The following CKAP2 variants were observed in gnomAD, a reference collection of about 807,000 sequenced individuals.
CKAP2 encodes cytoskeleton associated protein 2.
A neutral mutation model predicts 58.4 loss-of-function variants in CKAP2; 46 were observed. The ratio of observed to expected loss-of-function variants is 0.79; its 90% confidence interval spans 0.62 to 1.01. The LOEUF (loss-of-function observed/expected upper bound fraction) is 1.01. Among genes scored for constraint, CKAP2 ranks in the 50% least tolerant of loss-of-function variants. The pLI, the probability that CKAP2 is intolerant of heterozygous loss-of-function variation, is 0.00. For synonymous variants in CKAP2, 293 were observed against 280.9 expected (o/e 1.04, Z -0.43); for missense variants, 809 against 796.4 (o/e 1.02, Z -0.19).
intron 6 of CKAP2, 126 bp downstream of exon 6, chr13:52,465,591 A>C: frequency 1.3e-6 from 1 of 788,314 alleles, no homozygotes; most frequent in Non-Finnish European, 2.1e-6. Flanking sequence ...AAATGTTTAA[A>C]GGCTGCAAGG....
At chr13:52,468,099 C>A (rs1436487739) in intron 6 of CKAP2, among the ~76,000 whole-genome samples, 179 bp from the exon 7 acceptor site, 1 of 151,932 alleles carries the variant, frequency 6.6e-6, no homozygotes, top group Non-Finnish European at 1.5e-5. Flanking sequence ...CGTGAGCCAT[C>A]GTGCCCAGCC....
In CKAP2 at chr13:52,456,499, G is replaced by T. The variant is rs759068854; in HGVS notation, c.71-24G>T. The T allele has an allele frequency of 1.4e-5, 21 of 1,531,156 alleles. No individual in the cohort carries two copies. The Admixed American group carries it at 2.2e-4, about 16-fold the overall frequency. The allele number at this position is 1,531,156 out of a possible 1,614,324, so 94.8% of individuals were successfully genotyped here. On this transcript the variant is annotated intron_variant, in intron 1 of 8. Coordinates refer to ENST00000258607, the MANE Select transcript of CKAP2 (RefSeq NM_018204.5). ...TCGATGTTTTAACTAATATTGACTTGTAGCTCTTACCTTTGTTATCTAGAG... is the reference window on the plus strand; with the variant it reads ...TCGATGTTTTAACTAATATTGACTTTTAGCTCTTACCTTTGTTATCTAGAG...
intron 5 of CKAP2, 90 bp downstream of exon 5, chr13:52,462,657 A>C (rs1958604763): frequency 1.9e-6 from 2 of 1,047,302 alleles, no homozygotes; most frequent in Admixed American, 5.1e-5. Flanking sequence ...AGTCTTTTTG[A>C]CCAGGTGATG....
chr13:52,471,994 C>G (rs1958767167), intron 7 of CKAP2, among the ~76,000 whole-genome samples: 2 of 152,160 alleles, frequency 1.3e-5, no homozygotes, highest in Admixed American at 6.5e-5. Context: ...CTGAATTTCT[C>G]TTTCTTTTTT....
intron 8 of CKAP2, 105 bp from the exon 9 acceptor site, chr13:52,474,790 A>G (rs1450392485): frequency 1.8e-6 from 2 of 1,105,560 alleles, no homozygotes; most frequent in Non-Finnish European, 2.5e-6. Flanking sequence ...AAATGCTTTT[A>G]CCTGCTTATA....
rs764352338 is a variant in CKAP2 at position 52,462,366 on chromosome 13, T to C, written c.1104T>C (p.Ala368=). The C allele has an allele frequency of 2.5e-6, 4 of 1,613,710 alleles. No homozygotes were observed. The highest frequency in any genetic ancestry group is 2.5e-6 in the Non-Finnish European group (3 of 1,179,918). The change falls in exon 5 of 9, where the codon GCT becomes GCC. Residue 368 remains alanine (A), a synonymous_variant. Coordinates refer to ENST00000258607, the MANE Select transcript of CKAP2 (RefSeq NM_018204.5). ...TTATATCTGCTTCTAACTATAGAGCTCGTCTGAGTGAGTGGAAAGCTGGCA... is the reference window on the plus strand; with the variant it reads ...TTATATCTGCTTCTAACTATAGAGCCCGTCTGAGTGAGTGGAAAGCTGGCA... ...QPKETSEERK[A]RLSEWKAGKG... is the part of the protein sequence containing the mutation.
At chr13:52,456,650 C>G (rs1279089530) in intron 2 of CKAP2, 43 bp downstream of exon 2, 2 of 1,418,604 alleles carry the variant, frequency 1.4e-6, no homozygotes, top group Non-Finnish European at 2.0e-6. Context: ...AAAATTGTAT[C>G]AGATCTGTCC....
intron 4 of CKAP2, 49 bp downstream of exon 4, chr13:52,461,975 G>A: frequency 1.4e-6 from 2 of 1,448,170 alleles, no homozygotes; most frequent in Non-Finnish European, 1.8e-6. Context: ...ATAAAGTACT[G>A]TTTGTAGATT....
At chr13:52,456,258 AGAAAAT>A in intron 1 of CKAP2, 4 of 933,418 alleles carry the variant, frequency 4.3e-6, no homozygotes, top group Non-Finnish European at 5.5e-6. Context: ...AGCTGTATGT[AGAAAAT>A]GATGTTCTCC....
intron 2 of CKAP2, among the ~76,000 whole-genome samples, chr13:52,457,190 C>T (rs529650565): frequency 4.6e-5 from 7 of 152,116 alleles, no homozygotes; most frequent in Non-Finnish European, 7.3e-5. Context: ...CCACCGCGCC[C>T]GGCCTAGATT....
At chr13:52,459,328 G>A (rs1743436947) in intron 2 of CKAP2, among the ~76,000 whole-genome samples, 1 of 151,758 alleles carries the variant, frequency 6.6e-6, no homozygotes, top group Non-Finnish European at 1.5e-5. Context: ...ATTTTGTTTT[G>A]TTTTGTTTTT....
At chr13:52,459,339 T>C (rs746598816) in intron 2 of CKAP2, among the ~76,000 whole-genome samples, 55 of 152,130 alleles carry the variant, frequency 3.6e-4, no homozygotes, top group Non-Finnish European at 5.9e-4. Flanking sequence ...TTTTGTTTTT[T>C]TGAGACGGAG....
chr13:52,459,261 A>G (rs964076085), intron 2 of CKAP2, among the ~76,000 whole-genome samples: 2 of 152,208 alleles, frequency 1.3e-5, no homozygotes, highest in African/African-American at 2.4e-5. Flanking sequence ...ATGAAAGGCA[A>G]TGTAAGCAAA....
chr13:52,470,666 T>A (rs906569492), intron 7 of CKAP2, among the ~76,000 whole-genome samples: 1 of 152,180 alleles, frequency 6.6e-6, no homozygotes, highest in Non-Finnish European at 1.5e-5. Context: ...GTCATGCTTC[T>A]AATGGCAGCA....
intron 7 of CKAP2, among the ~76,000 whole-genome samples, 181 bp downstream of exon 7, chr13:52,468,528 T>A (rs1468100517): frequency 6.6e-6 from 1 of 152,158 alleles, no homozygotes; most frequent in Non-Finnish European, 1.5e-5. Flanking sequence ...TTAAGCCTAG[T>A]ATCCATTATT....
At position 52,461,939 on chromosome 13, in the gene CKAP2, A is replaced by G; in HGVS notation, c.1100+13A>G. ...CGGAAGAGAGAAAGTAAGTAGATAT[A>G]ATTTTCTTTATTACATTAGTTTTCA... On this transcript the variant is annotated intron_variant, in intron 4 of 8. Coordinates refer to ENST00000258607, the MANE Select transcript of CKAP2 (RefSeq NM_018204.5). 1 of 1,559,960 alleles carries G rather than the reference A, an allele frequency of 6.4e-7. No homozygotes were observed. Among genetic ancestry groups the G allele is most frequent in the Non-Finnish European group, 8.6e-7 (1 of 1,158,384 alleles).
intron 7 of CKAP2, among the ~76,000 whole-genome samples, chr13:52,473,183 T>C (rs114742692): frequency 6.6e-6 from 1 of 152,230 alleles, no homozygotes; most frequent in African/African-American, 2.4e-5. Context: ...CTTTTCATTC[T>C]CTGCCATTCT....
intron 6 of CKAP2, 31 bp from the exon 7 acceptor site, chr13:52,468,247 T>C (rs746109944): frequency 2.2e-6 from 3 of 1,350,716 alleles, no homozygotes; most frequent in Admixed American, 4.3e-5. Context: ...AAAACTTACA[T>C]GGATCTGCTT....
At chr13:52,470,007 A>G (rs1958739638) in intron 7 of CKAP2, among the ~76,000 whole-genome samples, 1 of 152,204 alleles carries the variant, frequency 6.6e-6, no homozygotes, top group African/African-American at 2.4e-5. Flanking sequence ...ACTGTATATT[A>G]TACAGTCAAC....
Sources: gnomAD v4.1 joint callset for allele counts (sites outside exome capture counted in the v4.1 genomes callset) on GRCh38, gnomAD v4.1.1 for gene constraint, MANE v1.5 for transcripts, NCBI Gene and HGNC (gene_info 2026-07-23, HGNC 2026-07-21) for gene names.